The following KIRREL3 variants were observed in gnomAD, a reference collection of about 807,000 sequenced individuals.
The protein encoded by KIRREL3 is kirre like nephrin family adhesion molecule 3.
A neutral mutation model predicts 89.7 loss-of-function variants in KIRREL3; 36 were observed. The ratio of observed to expected loss-of-function variants is 0.40; its 90% CI spans 0.31 to 0.53. The LOEUF is 0.53. KIRREL3 is among the 20% of genes least tolerant of loss of function. The pLI, the probability that KIRREL3 is intolerant of heterozygous loss-of-function variation, is 0.49. For missense variants in KIRREL3, 864 were observed against 1,056.6 expected (o/e 0.82, Z 2.53); for synonymous variants, 445 against 441.4 (o/e 1.01, Z -0.10).
At chr11:126,472,861 AG>A (rs144130347) in intron 5 of KIRREL3, among the ~76,000 whole-genome samples, 2,227 of 151,740 alleles carry the variant, frequency 0.015, 55 homozygotes, top group African/African-American at 0.049. Context: ...AGAAACCAAA[AG>A]GGGCAGGAGA....
rs11220644 is a variant in KIRREL3 at position 126,872,905 on chromosome 11, C to A, written c.55+127550G>T. 6.6e-6 allele frequency among the ~76,000 whole-genome samples: 1 copy of A among 151,982 alleles called. No individual in the cohort carries two copies. Among genetic ancestry groups the A allele is most frequent in the African/African-American group, 2.4e-5 (1 of 41,344 alleles). On this transcript the variant is annotated intron_variant, in intron 1 of 16. Coordinates refer to ENST00000525144, the MANE Select transcript of KIRREL3 (RefSeq NM_032531.4). The surrounding 1 kb of genome is among the most constrained non-coding windows in gnomAD (Gnocchi z 4.2). ...TGACGGCCACTGTTCACCAGCTGTG[C>A]CGAGTTACTACACAGCCTGGAGGTC...
In KIRREL3 at chr11:126,445,125, C is replaced by G. The variant is rs561688504; in HGVS notation, c.1126-20G>C. On this transcript the variant is annotated intron_variant, in intron 9 of 16. Coordinates refer to ENST00000525144, the MANE Select transcript of KIRREL3 (RefSeq NM_032531.4). The stretch of plus-strand genomic sequence containing the variant: ...CAGGACCTAGGAGAATTGGCAGGCT[C>G]AGATGCCAAGAGCAGGCGGAGGGGT... The G allele has an allele frequency of 1.2e-6, 2 of 1,613,088 alleles. No individual in the cohort carries two copies. The highest frequency in any genetic ancestry group is 1.7e-6 in the Non-Finnish European group (2 of 1,179,340).
intron 1 of KIRREL3, among the ~76,000 whole-genome samples, chr11:126,661,532 C>A (rs1041202852): frequency 6.6e-6 from 1 of 152,200 alleles, no homozygotes; most frequent in Non-Finnish European, 1.5e-5. Context: ...TTGCTAATAG[C>A]TAGAGGGTCT....
rs1177072294 is a variant in KIRREL3, at chr11:126,719,066, A to G, written c.56-156154T>C. ...TTCTCATGTTTGTTTTCCTCCTGCT[A>G]TACCTCCTTTGCTGTGTTCTCTTTT... On this transcript the variant is annotated intron_variant, in intron 1 of 16. Transcript: ENST00000525144. The surrounding 1 kb of genome is among the most constrained non-coding windows in gnomAD (Gnocchi z 4.7). Among the ~76,000 whole-genome samples the G allele has an allele frequency of 1.3e-5, 2 of 152,156 alleles. No individual in the cohort carries two copies. Among genetic ancestry groups the G allele is most frequent in the African/African-American group, 2.4e-5 (1 of 41,426 alleles).
rs1949212333 is a variant in KIRREL3 at position 126,748,059 on chromosome 11, CT to C, written c.56-185148del. Among the ~76,000 whole-genome samples the C allele has an allele frequency of 6.6e-6, 1 of 152,178 alleles. No individual in the cohort carries two copies. Among genetic ancestry groups the C allele is most frequent in the Non-Finnish European group, 1.5e-5 (1 of 68,030 alleles). On this transcript the variant is annotated intron_variant, in intron 1 of 16. Coordinates refer to ENST00000525144, the MANE Select transcript of KIRREL3 (RefSeq NM_032531.4). This position sits in a 1 kb window ranked among gnomAD's most constrained non-coding sequence, Gnocchi z 4.6. ...ATTGCCTCCCTAGTGACTGATTTAT[CT>C]GCTCCTTGAATCTGAGGAGGTTCAC...
intron 1 of KIRREL3, among the ~76,000 whole-genome samples, chr11:126,654,569 G>A (rs1465127922): frequency 6.6e-6 from 1 of 152,038 alleles, no homozygotes; most frequent in African/African-American, 2.4e-5. Flanking sequence ...AAGCGCTTTT[G>A]CTTCAGATAG....
rs1221291495 is a variant in KIRREL3 at position 126,655,748 on chromosome 11, G to C, written c.56-92836C>G. ...GACAGTCCTGGTGGCTTGGTCTTAG[G>C]CTTGTCTTGGCTCAGGTTTCTGTGT... On this transcript the variant is annotated intron_variant, in intron 1 of 16. Coordinates refer to ENST00000525144, the MANE Select transcript of KIRREL3 (RefSeq NM_032531.4). This position sits in a 1 kb window ranked among gnomAD's most constrained non-coding sequence, Gnocchi z 5.0. Among the ~76,000 whole-genome samples the C allele has an allele frequency of 6.6e-6, 1 of 152,098 alleles. No individual in the cohort carries two copies. The highest frequency in any genetic ancestry group is 1.9e-4 in the East Asian group (1 of 5,178).
At chr11:126,980,857 C>A (rs1949702923) in intron 1 of KIRREL3, among the ~76,000 whole-genome samples, 1 of 152,148 alleles carries the variant, frequency 6.6e-6, no homozygotes, top group Non-Finnish European at 1.5e-5. Flanking sequence ...TCAGGAAAAT[C>A]AACAACTCAC....
Position 126,670,118 on chromosome 11 carries a change from C to T in KIRREL3, c.56-107206G>A, listed in dbSNP as rs1945869430. Among the ~76,000 whole-genome samples the T allele has an allele frequency of 1.3e-5, 2 of 152,182 alleles. 1 individual carries two copies. The highest frequency in any genetic ancestry group is 4.8e-5 in the African/African-American group (2 of 41,444). ...ACTGCCACTGTTCCAGTCCAAGCCT[C>T]CATCAACTCTTGCCTGAGCTTCTGT... is the stretch of plus-strand genomic sequence containing the variant. On this transcript the variant is annotated intron_variant, in intron 1 of 16. Transcript: ENST00000525144.
chr11:126,440,724 C>G (rs2134177020), intron 10 of KIRREL3, 175 bp from the exon 11 acceptor site: 4 of 658,654 alleles, frequency 6.1e-6, no homozygotes, highest in Non-Finnish European at 1.1e-5. Flanking sequence ...ATTAGGCATT[C>G]AGTCATAAAC....
Position 126,686,645 on chromosome 11 carries a change from T to A in KIRREL3, c.56-123733A>T, listed in dbSNP as rs1351113227. ...CACAGGCTGGAGTGCAGTGGCGTGA[T>A]CTTGGCTCACTGCAACCTCGGCCTC... On this transcript the variant is annotated intron_variant, in intron 1 of 16. Transcript: ENST00000525144. The surrounding 1 kb of genome is among the most constrained non-coding windows in gnomAD (Gnocchi z 4.7). 6.6e-6 allele frequency among the ~76,000 whole-genome samples: 1 copy of A among 152,172 alleles called. No individual in the cohort carries two copies. The highest frequency in any genetic ancestry group is 1.5e-5 in the Non-Finnish European group (1 of 68,018).
At position 126,686,672 on chromosome 11, in the gene KIRREL3, C is replaced by G. The variant is rs184187195; in HGVS notation, c.56-123760G>C. Among the ~76,000 whole-genome samples the G allele has an allele frequency of 3.8e-3, 584 of 152,234 alleles. 4 individuals are homozygous for G. The highest frequency in any genetic ancestry group is 0.014 in the African/African-American group (563 of 41,532). On this transcript the variant is annotated intron_variant, in intron 1 of 16. Transcript: ENST00000525144. This position sits in a 1 kb window ranked among gnomAD's most constrained non-coding sequence, Gnocchi z 4.7. ...TTGGCTCACTGCAACCTCGGCCTCT[C>G]CAGTTCAAGCAGTTCTCCTGCCTCA... is the stretch of plus-strand genomic sequence containing the variant.
chr11:126,649,762 T>A (rs953622964), intron 1 of KIRREL3, among the ~76,000 whole-genome samples: 1 of 152,208 alleles, frequency 6.6e-6, no homozygotes, highest in Non-Finnish European at 1.5e-5. Flanking sequence ...TTGGTGGATC[T>A]ACCATTCTGG....
chr11:126,615,176 G>A lies in KIRREL3; in HGVS notation c.56-52264C>T, dbSNP rs2162466. Among the ~76,000 whole-genome samples, 5,208 of 152,146 alleles carry A rather than the reference G, an allele frequency of 0.034. 302 individuals carry two copies. Among genetic ancestry groups the A allele is most frequent in the African/African-American group, 0.12 (4,964 of 41,482 alleles). On this transcript the variant is annotated intron_variant, in intron 1 of 16. Coordinates refer to ENST00000525144, the MANE Select transcript of KIRREL3 (RefSeq NM_032531.4). The surrounding 1 kb of genome is among the most constrained non-coding windows in gnomAD (Gnocchi z 5.4). ...TGTAGAGCTGTGCTTCATATTCCCC[G>A]TGCATACCTCTGCCTTAGCACCTGC...
rs1939208913 is a variant in KIRREL3, at chr11:126,550,919, C to T, written c.133+11916G>A. On this transcript the variant is annotated intron_variant, in intron 2 of 16. Transcript: ENST00000525144. The surrounding 1 kb of genome is among the most constrained non-coding windows in gnomAD (Gnocchi z 4.9). ...AGATCCCACAGGCTGGGGGCTCAGTCCCCAAGACTTCCCCCACACCCTGGC... is the reference window on the plus strand; with the variant it reads ...AGATCCCACAGGCTGGGGGCTCAGTTCCCAAGACTTCCCCCACACCCTGGC... Among the ~76,000 whole-genome samples, 1 of 152,150 alleles carries T rather than the reference C, an allele frequency of 6.6e-6. No individual in the cohort carries two copies. The highest frequency in any genetic ancestry group is 2.4e-5 in the African/African-American group (1 of 41,440).
At chr11:126,770,150 G>A (rs145152621) in intron 1 of KIRREL3, among the ~76,000 whole-genome samples, 1 of 152,026 alleles carries the variant, frequency 6.6e-6, no homozygotes, top group Admixed American at 6.6e-5. Flanking sequence ...TGAGTTGGGG[G>A]GGAATTTGGG....
rs549794710 is a variant in KIRREL3, at chr11:126,768,963, A to G, written c.56-206051T>C. 6.6e-6 allele frequency among the ~76,000 whole-genome samples: 1 copy of G among 152,330 alleles called. No individual in the cohort carries two copies. The highest frequency in any genetic ancestry group is 2.1e-4 in the South Asian group (1 of 4,820). The stretch of plus-strand genomic sequence containing the variant: ...GTAACATGATCTGCTTTGTGTCTCA[A>G]CATCTTTTTACATGATCACGACTTG... On this transcript the variant is annotated intron_variant, in intron 1 of 16. Coordinates refer to ENST00000525144, the MANE Select transcript of KIRREL3 (RefSeq NM_032531.4). The surrounding 1 kb of genome is among the most constrained non-coding windows in gnomAD (Gnocchi z 4.5).
At position 126,909,677 on chromosome 11, in the gene KIRREL3, C is replaced by A; in HGVS notation, c.55+90778G>T. ...AGCCTACCAAAGAAGGGAGAAATGTCCTTTGCTCTCCATAACCCTAGGGGA... is the reference window on the plus strand; with the variant it reads ...AGCCTACCAAAGAAGGGAGAAATGTACTTTGCTCTCCATAACCCTAGGGGA... On this transcript the variant is annotated intron_variant, in intron 1 of 16. Coordinates refer to ENST00000525144, the MANE Select transcript of KIRREL3 (RefSeq NM_032531.4). The surrounding 1 kb of genome is among the most constrained non-coding windows in gnomAD (Gnocchi z 4.5). Among the ~76,000 whole-genome samples, 1 of 152,248 alleles carries A rather than the reference C, an allele frequency of 6.6e-6. No individual in the cohort carries two copies. Among genetic ancestry groups the A allele is most frequent in the Non-Finnish European group, 1.5e-5 (1 of 68,010 alleles).
In KIRREL3 at chr11:126,570,736, A is replaced by C. The variant is rs544941337; in HGVS notation, c.56-7824T>G. On this transcript the variant is annotated intron_variant, in intron 1 of 16. Coordinates refer to ENST00000525144, the MANE Select transcript of KIRREL3 (RefSeq NM_032531.4). The surrounding 1 kb of genome is among the most constrained non-coding windows in gnomAD (Gnocchi z 6.1). ...AGGCAGGCATTATCAGCAACTCCTC[A>C]CCACCAGCTGTGGGGTCTAGAATTA... 3.9e-5 allele frequency among the ~76,000 whole-genome samples: 6 copies of C among 152,200 alleles called. No homozygotes were observed. In the East Asian group the frequency reaches 1.2e-3, roughly 29 times the overall value.
Sources: gnomAD v4.1 joint callset for allele counts (sites outside exome capture counted in the v4.1 genomes callset) on GRCh38, gnomAD v4.1.1 for gene constraint, Gnocchi (gnomAD v3.1) non-coding constraint, MANE v1.5 for transcripts, NCBI Gene and HGNC (gene_info 2026-07-23, HGNC 2026-07-21) for gene names.